NTM: variants seen among roughly 807,000 people sequenced by gnomAD.
NTM encodes IgLON family member 2.
Under a neutral mutation model 42.1 loss-of-function variants are expected in NTM, and 13 were observed. That is an observed-to-expected ratio of 0.31 (90% CI 0.20 to 0.49). NTM has a LOEUF of 0.49. Ranked by LOEUF, NTM falls within the 20% of genes least tolerant of loss-of-function variation. The pLI is 0.99. For synonymous variants in NTM, 187 were observed against 179.2 expected (o/e 1.04, Z -0.35); for missense variants, 373 against 452.8 (o/e 0.82, Z 1.60).
rs112525405 is a variant in NTM at position 131,950,191 on chromosome 11, T to C, written c.167+38543T>C. ...TGGGTTGCCCTAGAGGCCTCCTGTTTTTCATTTTTCCTTTGCCCTGCAATG... is the reference window on the plus strand; with the variant it reads ...TGGGTTGCCCTAGAGGCCTCCTGTTCTTCATTTTTCCTTTGCCCTGCAATG... On this transcript the variant is annotated intron_variant, in intron 2 of 8. Coordinates refer to ENST00000683400, the MANE Select transcript of NTM (RefSeq NM_001352005.2). Among the ~76,000 whole-genome samples the C allele has an allele frequency of 3.7e-3, 568 of 152,230 alleles. 4 individuals carry two copies. Among genetic ancestry groups the C allele is most frequent in the African/African-American group, 0.013 (530 of 41,542 alleles).
At chr11:131,600,633 A>C (rs1296583513) in intron 1 of NTM, among the ~76,000 whole-genome samples, 1 of 152,134 alleles carries the variant, frequency 6.6e-6, no homozygotes, top group Non-Finnish European at 1.5e-5. Flanking sequence ...TAAAACATAT[A>C]ATGGGGAATG....
At chr11:132,291,228 T>C (rs2140001578) in intron 4 of NTM, among the ~76,000 whole-genome samples, 1 of 152,282 alleles carries the variant, frequency 6.6e-6, no homozygotes, top group Non-Finnish European at 1.5e-5. Flanking sequence ...GATAGAAGTG[T>C]CAGTGAACAG....
intron 1 of NTM, among the ~76,000 whole-genome samples, chr11:131,688,101 TC>T (rs1222243161): frequency 6.6e-6 from 1 of 152,118 alleles, no homozygotes; most frequent in Non-Finnish European, 1.5e-5. Context: ...GCCAGGCAGT[TC>T]TCACATCTGG....
intron 1 of NTM, among the ~76,000 whole-genome samples, chr11:131,557,114 T>A (rs914109986): frequency 6.6e-6 from 1 of 152,116 alleles, no homozygotes; most frequent in Non-Finnish European, 1.5e-5. Context: ...TCCAGTATTT[T>A]AAAGCAAACA....
intron 2 of NTM, among the ~76,000 whole-genome samples, chr11:132,139,877 T>C (rs1440421006): frequency 6.6e-6 from 1 of 152,254 alleles, no homozygotes; most frequent in Non-Finnish European, 1.5e-5. Context: ...CTCTACACAA[T>C]GTTCTGTAGA....
At position 131,873,654 on chromosome 11, in the gene NTM, C is replaced by T. The variant is rs150743283; in HGVS notation, c.83-37910C>T. On this transcript the variant is annotated intron_variant, in intron 1 of 8. Coordinates refer to ENST00000683400, the MANE Select transcript of NTM (RefSeq NM_001352005.2). ...ATATATACACATATATATATACACA[C>T]ATATATATACACATATATATATACA... Among the ~76,000 whole-genome samples the T allele has an allele frequency of 4.5e-3, 430 of 94,694 alleles. 21 individuals are homozygous for T. The highest frequency in any genetic ancestry group is 0.02 in the African/African-American group (370 of 18,948). 62.1% of individuals were successfully genotyped at this position (94,694 alleles called of 152,430 possible). A position where few individuals can be genotyped will look rare whatever the true frequency, so the allele number is the denominator to read the frequency against.
At position 131,763,709 on chromosome 11, in the gene NTM, CTTTTTTTTTTTTT is replaced by C. The variant is rs557522093; in HGVS notation, c.83-147841_83-147829del. 2.2e-4 allele frequency among the ~76,000 whole-genome samples: 16 copies of C among 71,380 alleles called. No individual in the cohort carries two copies. In the South Asian group the frequency reaches 3.5e-3, roughly 15 times the overall value. The allele number at this position is 71,380 out of a possible 152,430, so 46.8% of individuals were successfully genotyped here. On this transcript the variant is annotated intron_variant, in intron 1 of 8. Coordinates refer to ENST00000683400, the MANE Select transcript of NTM (RefSeq NM_001352005.2). ...CTTATCCACAGGCCCATCTCTCTCT[CTTTTTTTTTTTTT>C]TTTTTTTTTTTTTGGCATTGCTTAA...
chr11:131,549,669 G>C (rs1363013104), intron 1 of NTM, among the ~76,000 whole-genome samples: 4 of 152,206 alleles, frequency 2.6e-5, no homozygotes, highest in Non-Finnish European at 5.9e-5. Context: ...TTTGCCCCAT[G>C]TGTTCAGGTG....
intron 2 of NTM, among the ~76,000 whole-genome samples, chr11:132,136,450 C>T (rs1591751473): frequency 6.6e-6 from 1 of 152,226 alleles, no homozygotes; most frequent in African/African-American, 2.4e-5. Context: ...TTTGACCTTT[C>T]TTCCTGTGAA....
chr11:131,484,796 A>G (rs1469167175), intron 1 of NTM, among the ~76,000 whole-genome samples: 2 of 152,170 alleles, frequency 1.3e-5, no homozygotes, highest in Non-Finnish European at 2.9e-5. Flanking sequence ...CCTCCTAAGC[A>G]TCTTCTATGT....
chr11:132,038,270 G>T (rs934141940), intron 2 of NTM, among the ~76,000 whole-genome samples: 4 of 152,198 alleles, frequency 2.6e-5, no homozygotes, highest in African/African-American at 9.7e-5. Flanking sequence ...GATGGTGCTC[G>T]CTGCCCTCAT....
chr11:132,256,911 G>A (rs537770583), intron 4 of NTM, among the ~76,000 whole-genome samples: 2 of 152,154 alleles, frequency 1.3e-5, no homozygotes, highest in East Asian at 1.9e-4. Flanking sequence ...ATTTCTGCAG[G>A]AGCATCTGTC....
chr11:131,461,433 A>C (rs938226818), intron 1 of NTM, among the ~76,000 whole-genome samples: 3 of 152,220 alleles, frequency 2.0e-5, no homozygotes, highest in African/African-American at 7.2e-5. Flanking sequence ...AGCTAAAGAA[A>C]AGTATCTGTG....
intron 3 of NTM, among the ~76,000 whole-genome samples, chr11:132,209,137 A>G (rs1356126455): frequency 6.6e-6 from 1 of 152,230 alleles, no homozygotes; most frequent in Admixed American, 6.5e-5. Flanking sequence ...ATCAATTTAA[A>G]TGATTCCAGA....
At chr11:131,650,123 C>G (rs1429836766) in intron 1 of NTM, among the ~76,000 whole-genome samples, 2 of 152,192 alleles carry the variant, frequency 1.3e-5, no homozygotes, top group Non-Finnish European at 2.9e-5. Flanking sequence ...ACCACACAGA[C>G]TATTCATGGT....
At chr11:132,238,672 G>A (rs2089587823) in intron 4 of NTM, among the ~76,000 whole-genome samples, 1 of 152,130 alleles carries the variant, frequency 6.6e-6, no homozygotes, top group African/African-American at 2.4e-5. Flanking sequence ...TGCCTTAGGT[G>A]AAACGCAGCT....
At chr11:131,772,961 T>C (rs2086358498) in intron 1 of NTM, among the ~76,000 whole-genome samples, 1 of 152,194 alleles carries the variant, frequency 6.6e-6, no homozygotes, top group South Asian at 2.1e-4. Flanking sequence ...GAAGAGACAT[T>C]TATGGCTGCG....
Position 132,335,268 on chromosome 11 carries a change from C to T in NTM, c.*122C>T, listed in dbSNP as rs965812497. 6.7e-6 allele frequency: 7 copies of T among 1,047,898 alleles called. No individual in the cohort carries two copies. The highest frequency in any genetic ancestry group is 3.0e-5 in the Admixed American group (1 of 33,852). The allele number at this position is 1,047,898 out of a possible 1,614,324, so 64.9% of individuals were successfully genotyped here. A position where few individuals can be genotyped will look rare whatever the true frequency, so the allele number is the denominator to read the frequency against. On this transcript the variant is annotated 3_prime_UTR_variant, in exon 9 of 9. Coordinates refer to ENST00000683400, the MANE Select transcript of NTM (RefSeq NM_001352005.2). ...CAAATGAAATTAGAAGAAACACAGC[C>T]TCATGGGACAGAAATTTGAGGGAGG...
At chr11:132,079,469 C>T (rs770079734) in intron 2 of NTM, among the ~76,000 whole-genome samples, 6 of 152,150 alleles carry the variant, frequency 3.9e-5, no homozygotes, top group Admixed American at 6.5e-5. Context: ...CTGTTACCAT[C>T]GTTGTTAAGG....
Sources: gnomAD v4.1 joint callset for allele counts (sites outside exome capture counted in the v4.1 genomes callset) on GRCh38, gnomAD v4.1.1 for gene constraint, MANE v1.5 for transcripts, NCBI Gene and HGNC (gene_info 2026-07-23, HGNC 2026-07-21) for gene names.